Variants in TJP2 observed in about 807,000 individuals in gnomAD.
TJP2 encodes tight junction protein 2.
In TJP2, 91 loss-of-function variants were observed where a neutral mutation model predicts 133.1. The ratio of observed to expected loss-of-function variants is 0.68; its 90% CI spans 0.58 to 0.81. The LOEUF (loss-of-function observed/expected upper bound fraction) is 0.81, where lower values mean the gene tolerates loss of function less well. Ranked by LOEUF, TJP2 falls within the 40% of genes least tolerant of loss-of-function variation. TJP2 has a pLI of 0.00. For missense variants in TJP2, 1,541 were observed against 1,565.6 expected, an observed-to-expected ratio of 0.98 and a Z score of 0.26; for synonymous variants, 592 against 583.4, an observed-to-expected ratio of 1.01 and a Z score of -0.21.
chr9:69,185,254 G>T (rs894411407), intron 1 of TJP2, among the ~76,000 whole-genome samples: 1 of 152,028 alleles, frequency 6.6e-6, no homozygotes, highest in African/African-American at 2.4e-5. Flanking sequence ...TAGAGGCAGG[G>T]TTTCACCATG....
intron 2 of TJP2, among the ~76,000 whole-genome samples, chr9:69,164,651 T>A (rs766159394): frequency 2.0e-5 from 3 of 152,142 alleles, no homozygotes; most frequent in African/African-American, 4.8e-5. Flanking sequence ...CTCACTTTAG[T>A]TGCTGCGAGA....
intron 17 of TJP2, among the ~76,000 whole-genome samples, chr9:69,243,836 G>T (rs986455411): frequency 8.5e-5 from 13 of 152,108 alleles, no homozygotes; most frequent in Admixed American, 5.9e-4. Flanking sequence ...ACCGAGCCAC[G>T]TGAAAAGCTT....
chr9:69,181,333 C>G (rs1427520931), intron 1 of TJP2, among the ~76,000 whole-genome samples: 1 of 145,848 alleles, frequency 6.9e-6, no homozygotes, highest in Non-Finnish European at 1.5e-5. Context: ...ACTGCAACGT[C>G]TGCCTCCTAG....
rs1587875366 is a variant in TJP2 at position 69,132,446 on chromosome 9, A to T, written c.-131+10721A>T. ...GGGGACCCCTGAACTTGGAGAAGGGATCTGTTAATGCAGCCTCGGGGCCTG... is the reference window on the plus strand; with the variant it reads ...GGGGACCCCTGAACTTGGAGAAGGGTTCTGTTAATGCAGCCTCGGGGCCTG... On this transcript the variant is annotated intron_variant, in intron 1 of 5. Transcript: ENST00000423935. Among the ~76,000 whole-genome samples, 6 of 152,088 alleles carry T rather than the reference A, an allele frequency of 3.9e-5. No individual in the cohort carries two copies. In the South Asian group the frequency reaches 1.0e-3, roughly 26 times the overall value.
chr9:69,237,101 A>G lies in TJP2; in HGVS notation c.2144A>G (p.Lys715Arg), dbSNP rs765001521. ...ACAGCTGTTGTGTCTGTCAGCACCA[A>G]GTTCCCAGCTTATGAGAGGGTTTTG... The part of the protein sequence containing the change: ...DLTAVVSVST[K>R]FPAYERVLLR... The change falls in exon 14 of 23, where the codon AAG becomes AGG. Residue 715 changes from lysine (K) to arginine (R), a missense_variant. By Grantham distance (26) the Lys-to-Arg change is conservative. Coordinates refer to ENST00000377245, the MANE Select transcript of TJP2 (RefSeq NM_004817.4). The G allele has an allele frequency of 6.2e-7, 1 of 1,614,136 alleles. No individual in the cohort carries two copies. The highest frequency in any genetic ancestry group is 8.5e-7 in the Non-Finnish European group (1 of 1,180,026).
intron 18 of TJP2, among the ~76,000 whole-genome samples, chr9:69,247,118 G>A (rs1383492581): frequency 6.6e-6 from 1 of 152,220 alleles, no homozygotes; most frequent in East Asian, 1.9e-4. Flanking sequence ...GAAACTTAGA[G>A]TGCAGATGAG....
At chr9:69,140,037 TGCCCTG>T (rs1440514913) in intron 1 of TJP2, among the ~76,000 whole-genome samples, 1 of 152,212 alleles carries the variant, frequency 6.6e-6, no homozygotes, top group Non-Finnish European at 1.5e-5. Context: ...CCCTCAGAGC[TGCCCTG>T]GCCTCCTTCT....
At position 69,238,574 on chromosome 9, in the gene TJP2, T is replaced by C. The variant is rs1490818900; in HGVS notation, c.2276-136T>C. On this transcript the variant is annotated intron_variant, in intron 15 of 22. Coordinates refer to ENST00000377245, the MANE Select transcript of TJP2 (RefSeq NM_004817.4). ...GATTAGATTTCCACTAAGCAGGTTATGTGGGTCCTTCCCACTGAATCTTGT... is the reference window on the plus strand; with the variant it reads ...GATTAGATTTCCACTAAGCAGGTTACGTGGGTCCTTCCCACTGAATCTTGT... 2.2e-5 allele frequency: 16 copies of C among 741,406 alleles called. No individual in the cohort carries two copies. In the South Asian group the frequency reaches 2.4e-4, roughly 11 times the overall value. The allele number at this position is 741,406 out of a possible 1,614,324, so 45.9% of individuals were successfully genotyped here. A position where few individuals can be genotyped will look rare whatever the true frequency, so the allele number is the denominator to read the frequency against.
intron 1 of TJP2, among the ~76,000 whole-genome samples, chr9:69,130,405 A>G (rs561691299): frequency 6.4e-4 from 98 of 152,318 alleles, no homozygotes; most frequent in Non-Finnish European, 1.1e-3. Flanking sequence ...GTGATTCTCA[A>G]ACATTAGTTT....
upstream of TJP2, chr9:69,174,241 C>T (rs950423005): frequency 1.7e-5 from 25 of 1,508,428 alleles, no homozygotes; most frequent in African/African-American, 4.2e-5. Flanking sequence ...GGGTGGGTCC[C>T]CGCGGGTCGG....
chr9:69,250,976 T>C, intron 20 of TJP2, 59 bp from the exon 21 acceptor site: 1 of 1,486,178 alleles, frequency 6.7e-7, no homozygotes, highest in Non-Finnish European at 9.4e-7. Context: ...AAATCACTAA[T>C]ATAGATTTGA....
intron 19 of TJP2, chr9:69,248,625 C>A: frequency 4.5e-6 from 5 of 1,107,144 alleles, no homozygotes; most frequent in Non-Finnish European, 5.5e-6. Context: ...CTGCCTTTAA[C>A]CTTTCTAATC....
At chr9:69,228,854 A>G (rs976068492) in intron 9 of TJP2, among the ~76,000 whole-genome samples, 24 of 152,274 alleles carry the variant, frequency 1.6e-4, no homozygotes, top group Non-Finnish European at 2.6e-4. Context: ...CCACCACCCT[A>G]CAATTATCAT....
At chr9:69,246,448 T>C in intron 17 of TJP2, 1 of 482,616 alleles carries the variant, frequency 2.1e-6, no homozygotes, top group South Asian at 2.1e-5. Flanking sequence ...AAAATAAACA[T>C]TCTAAAAATC....
upstream of TJP2, chr9:69,174,075 C>T (rs1362831890): frequency 1.6e-5 from 18 of 1,113,440 alleles, no homozygotes; most frequent in East Asian, 5.3e-5. Flanking sequence ...GCCGCAGGAG[C>T]CTCGAAGGCG....
chr9:69,198,159 T>TTTTTTG (rs10674501), intron 1 of TJP2, among the ~76,000 whole-genome samples: 3 of 133,132 alleles, frequency 2.3e-5, no homozygotes, highest in Non-Finnish European at 3.2e-5. Flanking sequence ...TTTTTTTTTT[T>TTTTTTG]GAGACTGAGT....
intron 16 of TJP2, among the ~76,000 whole-genome samples, chr9:69,239,249 G>C (rs1311007273): frequency 6.9e-6 from 1 of 145,110 alleles, no homozygotes; most frequent in East Asian, 2.0e-4. Context: ...AGTCACTGTT[G>C]GCAGTGAGCG....
intron 1 of TJP2, among the ~76,000 whole-genome samples, chr9:69,148,496 T>TC (rs1371751248): frequency 6.7e-6 from 1 of 149,552 alleles, no homozygotes; most frequent in Non-Finnish European, 1.5e-5. Flanking sequence ...TGTCTCCACC[T>TC]CCCAAGTAGC....
rs111713983 is a variant in TJP2, at chr9:69,251,365, G to A, written c.3321+1G>A. The stretch of plus-strand genomic sequence containing the variant: ...GCTCCAGGAAGCACAGAATGCAAGG[G>A]TAATTGTTTTTAAACTACACATCAT... On this transcript the variant is annotated splice_donor_variant, in intron 21 of 22. Transcript: ENST00000377245. LOFTEE classifies it high-confidence loss of function. 1 of 1,612,552 alleles carries A rather than the reference G, an allele frequency of 6.2e-7. No individual in the cohort carries two copies. The highest frequency in any genetic ancestry group is 1.7e-5 in the Admixed American group (1 of 60,016).
Sources: allele counts gnomAD v4.1 joint callset (sites outside exome capture counted in the v4.1 genomes callset), GRCh38; gene constraint gnomAD v4.1.1; transcripts MANE v1.5; gene names NCBI Gene and HGNC (gene_info 2026-07-23, HGNC 2026-07-21).